The following SF3B3 variants were observed in gnomAD, a reference collection of about 807,000 sequenced individuals.
The protein encoded by SF3B3 is SAP 130.
In SF3B3, 33 loss-of-function variants were observed where a neutral mutation model predicts 139.2. That is an observed-to-expected ratio of 0.24 (90% confidence interval 0.18 to 0.32). The LOEUF (loss-of-function observed/expected upper bound fraction) is 0.32. SF3B3 is among the 10% of genes least tolerant of loss of function. The pLI is 1.00. For synonymous variants in SF3B3, 596 were observed against 563.6 expected (o/e 1.06, Z -0.81); for missense variants, 818 against 1,509.4 (o/e 0.54, Z 7.59).
At chr16:70,564,183 C>T (rs2050454498) in intron 18 of SF3B3, 133 bp downstream of exon 18, 1 of 833,326 alleles carries the variant, frequency 1.2e-6, no homozygotes, top group Non-Finnish European at 1.8e-6. Context: ...CCAGCCTGGG[C>T]AACATAGCAA....
At chr16:70,566,678 C>G (rs1168552762) in intron 20 of SF3B3, among the ~76,000 whole-genome samples, 1 of 152,136 alleles carries the variant, frequency 6.6e-6, no homozygotes, top group African/African-American at 2.4e-5. Flanking sequence ...TCCTTCAACC[C>G]TACCATAAGG....
intron 21 of SF3B3, among the ~76,000 whole-genome samples, chr16:70,567,788 C>T (rs936126345): frequency 3.9e-5 from 6 of 152,154 alleles, no homozygotes; most frequent in Non-Finnish European, 7.4e-5. Flanking sequence ...TGGGTTCAAG[C>T]GATTCTCCTG....
chr16:70,547,797 G>A (rs1441958665), intron 10 of SF3B3, among the ~76,000 whole-genome samples: 1 of 152,174 alleles, frequency 6.6e-6, no homozygotes, highest in Non-Finnish European at 1.5e-5. Context: ...CACCGTGTTG[G>A]CCAGCTGGTC....
intron 11 of SF3B3, among the ~76,000 whole-genome samples, chr16:70,549,139 AC>A (rs1342894897): frequency 6.6e-6 from 1 of 152,238 alleles, no homozygotes; most frequent in Non-Finnish European, 1.5e-5. Flanking sequence ...CATTGGAGCT[AC>A]GTTTTTCTCT....
At chr16:70,567,294 C>G in intron 20 of SF3B3, 117 bp from the exon 21 acceptor site, 1 of 1,120,414 alleles carries the variant, frequency 8.9e-7, no homozygotes, top group South Asian at 1.5e-5. Flanking sequence ...AAAATAAGCT[C>G]ACTGGTGTGT....
In SF3B3 at chr16:70,574,114, A is replaced by G. The variant is rs922753619; in HGVS notation, c.*2301A>G. 1.3e-5 allele frequency: 2 copies of G among 152,224 alleles called. No homozygotes were observed. The highest frequency in any genetic ancestry group is 2.9e-5 in the Non-Finnish European group (2 of 68,044). 9.4% of individuals were successfully genotyped at this position (152,224 alleles called of 1,614,324 possible). On this transcript the variant is annotated 3_prime_UTR_variant, in exon 26 of 26. Transcript: ENST00000302516. ...TTCTTGAGCTTGTTAGAGGAAAGCC[A>G]GAAAGGCATTCAGATGGGATCAGTC...
At chr16:70,539,864 C>T (rs1317163245) in intron 8 of SF3B3, among the ~76,000 whole-genome samples, 1 of 149,926 alleles carries the variant, frequency 6.7e-6, no homozygotes, top group Non-Finnish European at 1.5e-5. Context: ...GCAACCTCTG[C>T]CTCCCAGGTT....
At chr16:70,542,513 T>A (rs1386676790) in intron 9 of SF3B3, among the ~76,000 whole-genome samples, 1 of 152,026 alleles carries the variant, frequency 6.6e-6, no homozygotes, top group Non-Finnish European at 1.5e-5. Flanking sequence ...ATTGTCAGGG[T>A]TTGAGTGACC....
intron 7 of SF3B3, 136 bp downstream of exon 7, chr16:70,538,596 C>T (rs1422165680): frequency 5.8e-6 from 4 of 686,472 alleles, no homozygotes; most frequent in Admixed American, 3.1e-5. Context: ...TATAGATTTT[C>T]TCTCTGGTTA....
intron 23 of SF3B3, 31 bp from the exon 24 acceptor site, chr16:70,569,975 A>G: frequency 6.2e-7 from 1 of 1,613,306 alleles, no homozygotes; most frequent in Non-Finnish European, 8.5e-7. Context: ...CTGAGGGTGC[A>G]CACAGTCACT....
In SF3B3 at chr16:70,528,869, C is replaced by G. The variant is rs2050093168; in HGVS notation, c.71-4C>G. ...TTTATGATCTTTATTTTTTGGTGATCTAGGAACCAAACAACAAGAAATTGT... is the reference window on the plus strand; with the variant it reads ...TTTATGATCTTTATTTTTTGGTGATGTAGGAACCAAACAACAAGAAATTGT... On this transcript the variant is annotated splice_polypyrimidine_tract_variant and splice_region_variant and intron_variant, in intron 2 of 25. Transcript: ENST00000302516. 6.2e-7 allele frequency: 1 copy of G among 1,601,894 alleles called. No homozygotes were observed. Among genetic ancestry groups the G allele is most frequent in the Non-Finnish European group, 8.5e-7 (1 of 1,170,576 alleles).
rs181365962 is a variant in SF3B3 at position 70,527,810 on chromosome 16, C to G, written c.71-1063C>G. On this transcript the variant is annotated intron_variant, in intron 2 of 25. Transcript: ENST00000302516. ...TTTTTCCTTGAAACAGAGTCCTGCT[C>G]TGTCACCCAGGCTGGAGCGCAGTGG... 7.7e-4 allele frequency among the ~76,000 whole-genome samples: 117 copies of G among 152,296 alleles called. 1 individual carries two copies. The highest frequency in any genetic ancestry group is 2.5e-3 in the African/African-American group (106 of 41,570).
intron 18 of SF3B3, among the ~76,000 whole-genome samples, chr16:70,564,386 G>C (rs1432118643): frequency 6.6e-6 from 1 of 152,178 alleles, no homozygotes; most frequent in African/African-American, 2.4e-5. Context: ...TTAAACTCCT[G>C]TAATTGTTAG....
intron 3 of SF3B3, 47 bp from the exon 4 acceptor site, chr16:70,530,693 CTCTCT>C (rs1418882990): frequency 2.8e-6 from 4 of 1,449,992 alleles, no homozygotes; most frequent in African/African-American, 1.4e-5. Flanking sequence ...TTCTATAAGT[CTCTCT>C]TCTCATTATC....
chr16:70,565,038 C>G (rs887332758), intron 18 of SF3B3, 27 bp from the exon 19 acceptor site: 3 of 1,610,946 alleles, frequency 1.9e-6, no homozygotes, highest in Non-Finnish European at 2.5e-6. Flanking sequence ...AGCACGCCAA[C>G]TCAGTTACTC....
intron 11 of SF3B3, among the ~76,000 whole-genome samples, chr16:70,552,069 A>G (rs2050332722): frequency 6.6e-6 from 1 of 152,134 alleles, no homozygotes; most frequent in Admixed American, 6.5e-5. Context: ...TTATTCTCTT[A>G]TGTTTGAGTA....
intron 20 of SF3B3, among the ~76,000 whole-genome samples, chr16:70,566,390 C>G (rs1332666593): frequency 6.6e-6 from 1 of 151,836 alleles, no homozygotes; most frequent in East Asian, 1.9e-4. Flanking sequence ...TGGTGAAATC[C>G]CATCTCTATT....
At chr16:70,536,902 C>A (rs1159992321) in intron 6 of SF3B3, among the ~76,000 whole-genome samples, 1 of 151,496 alleles carries the variant, frequency 6.6e-6, no homozygotes, top group African/African-American at 2.4e-5. Context: ...CCTTGACCTC[C>A]CAGTCTCAAG....
In SF3B3 at chr16:70,575,864, G is replaced by C. The variant is rs942153391; in HGVS notation, c.*4051G>C. 1 of 152,220 alleles carries C rather than the reference G, an allele frequency of 6.6e-6. No homozygotes were observed. The highest frequency in any genetic ancestry group is 1.9e-4 in the East Asian group (1 of 5,200). 9.4% of individuals were successfully genotyped at this position (152,220 alleles called of 1,614,324 possible). ...AAATGGTAGGAAACCTGTAGTTGTG[G>C]CTCATAATCCTAGTGGGATATTAGA... On this transcript the variant is annotated 3_prime_UTR_variant, in exon 26 of 26. Transcript: ENST00000302516.
Sources: gnomAD v4.1 joint callset for allele counts (sites outside exome capture counted in the v4.1 genomes callset) on GRCh38, gnomAD v4.1.1 for gene constraint, MANE v1.5 for transcripts, NCBI Gene and HGNC (gene_info 2026-07-23, HGNC 2026-07-21) for gene names.